Variants in LHX9 observed in about 807,000 individuals in gnomAD.
LHX9 encodes LIM/homeobox protein Lhx9.
Under a neutral mutation model 36.5 loss-of-function variants are expected in LHX9, and 9 were observed. The ratio of observed to expected loss-of-function variants is 0.25; its 90% CI spans 0.15 to 0.43. The LOEUF is 0.43. Among genes scored for constraint, LHX9 ranks in the 20% least tolerant of loss-of-function variants. LHX9 has a pLI of 1.00. For synonymous variants in LHX9, 211 were observed against 212.1 expected, an observed-to-expected ratio of 0.99 and a Z score of 0.04; for missense variants, 464 against 526.4, an observed-to-expected ratio of 0.88 and a Z score of 1.16.
intron 4 of LHX9, 36 bp from the exon 5 acceptor site, chr1:197,928,966 A>T (rs767840349): frequency 2.0e-6 from 3 of 1,474,168 alleles, no homozygotes; most frequent in Non-Finnish European, 2.7e-6. Context: ...ATAAAAATGA[A>T]CATCGGTAAA....
At chr1:197,918,182 C>T in intron 1 of LHX9, 185 bp downstream of exon 1, 1 of 683,536 alleles carries the variant, frequency 1.5e-6, no homozygotes, top group Non-Finnish European at 2.6e-6. Flanking sequence ...TTTTCTGAAT[C>T]GAAATGTCTG....
chr1:197,912,494 C>T, upstream of LHX9: 1 of 1,613,358 alleles, frequency 6.2e-7, no homozygotes, highest in Non-Finnish European at 8.5e-7. Flanking sequence ...GCCAGTGCAA[C>T]CACCATTACG....
intron 2 of LHX9, 121 bp downstream of exon 2, chr1:197,920,295 G>C: frequency 2.2e-6 from 2 of 907,492 alleles, no homozygotes; most frequent in East Asian, 5.2e-5. Flanking sequence ...TTATCATTTC[G>C]GAGACCAGGC....
rs1430021923 is a variant in LHX9, at chr1:197,924,900, C to A, written c.734-2691C>A. The stretch of plus-strand genomic sequence containing the variant: ...AGTTTTAAGAGTTATCATTTCATCT[C>A]ATAATTCGGGGAGTGGGGGAATCCC... On this transcript the variant is annotated intron_variant, in intron 3 of 4. Transcript: ENST00000367387. Among the ~76,000 whole-genome samples the A allele has an allele frequency of 2.0e-4, 9 of 45,764 alleles. 2 individuals are homozygous for A. The highest frequency in any genetic ancestry group is 2.4e-4 in the Non-Finnish European group (6 of 24,950). The allele number at this position is 45,764 out of a possible 152,430, so 30.0% of individuals were successfully genotyped here.
At chr1:197,927,123 A>G (rs1388967046) in intron 3 of LHX9, among the ~76,000 whole-genome samples, 1 of 152,212 alleles carries the variant, frequency 6.6e-6, no homozygotes, top group Non-Finnish European at 1.5e-5. Context: ...TTGTTTCTCT[A>G]CGTCTCATGA....
At chr1:197,928,608 A>G (rs1660218983) in intron 4 of LHX9, among the ~76,000 whole-genome samples, 2 of 152,204 alleles carry the variant, frequency 1.3e-5, no homozygotes, top group South Asian at 4.1e-4. Flanking sequence ...TTACTTTGCC[A>G]TACTTTCAAT....
chr1:197,921,609 G>A lies in LHX9; in HGVS notation c.683G>A (p.Arg228Gln). The A allele has an allele frequency of 6.2e-7, 1 of 1,605,176 alleles. No individual in the cohort carries two copies. Among genetic ancestry groups the A allele is most frequent in the Non-Finnish European group, 8.5e-7 (1 of 1,177,956 alleles). The change falls in exon 3 of 5, where the codon CGG becomes CAG. Residue 228 changes from arginine (R) to glutamine (Q), a missense_variant. Physicochemically the swap from Arg to Gln is conservative, Grantham distance 43. Coordinates refer to ENST00000367387, the MANE Select transcript of LHX9 (RefSeq NM_020204.3). The surrounding 1 kb of genome is among the most constrained non-coding windows in gnomAD (Gnocchi z 4.6). ...GTGTVQKGRPRKRKSPALGVD... is the reference protein window; with the variant it reads ...GTGTVQKGRPQKRKSPALGVD... ...GGCACCGTGCAGAAAGGGCGGCCCC[G>A]GAAGCGGAAGAGCCCAGCGCTGGGA...
At chr1:197,928,721 G>A (rs557614509) in intron 4 of LHX9, among the ~76,000 whole-genome samples, 8 of 152,106 alleles carry the variant, frequency 5.3e-5, no homozygotes, top group African/African-American at 1.9e-4. Context: ...ATCCACTTAA[G>A]CATCAGTTGT....
Position 197,929,186 on chromosome 1 carries a change from C to A in LHX9, c.1121C>A (p.Thr374Lys). 2 of 1,605,132 alleles carry A rather than the reference C, an allele frequency of 1.2e-6. No homozygotes were observed. The highest frequency in any genetic ancestry group is 1.7e-6 in the Non-Finnish European group (2 of 1,176,168). ...ACCAATCCCACTATCACTGTAGTGA[C>A]ATCCGTGACCTCTAACATGGACAGC... ...DLTNPTITVV[T>K]SVTSNMDSHE... The change falls in exon 5 of 5, where the codon ACA (threonine) becomes AAA (lysine). Residue 374 changes from threonine (T) to lysine (K), a missense_variant. Coordinates refer to ENST00000367387, the MANE Select transcript of LHX9 (RefSeq NM_020204.3).
upstream of LHX9, among the ~76,000 whole-genome samples, chr1:197,913,337 T>G (rs991010713): frequency 2.0e-5 from 3 of 152,040 alleles, no homozygotes; most frequent in Non-Finnish European, 4.4e-5. Context: ...CTGGCAAGGG[T>G]GCGCAGCTGG....
chr1:197,923,509 G>GAA (rs1444574292), intron 3 of LHX9, among the ~76,000 whole-genome samples: 1 of 151,604 alleles, frequency 6.6e-6, no homozygotes, highest in Non-Finnish European at 1.5e-5. Context: ...GAGAGAGAGA[G>GAA]AGAGAGAGAG....
At chr1:197,926,979 T>A (rs1322944875) in intron 3 of LHX9, among the ~76,000 whole-genome samples, 1 of 152,238 alleles carries the variant, frequency 6.6e-6, no homozygotes, top group East Asian at 1.9e-4. Flanking sequence ...TCCTCCTTTT[T>A]CAGCCTTTTC....
At chr1:197,915,880 C>G (rs1307584907), upstream of LHX9, 2 of 152,204 alleles carry the variant, frequency 1.3e-5, no homozygotes, top group Non-Finnish European at 2.9e-5. Context: ...CCCTCTCTCC[C>G]TCTCTCCCTG....
upstream of LHX9, chr1:197,916,374 C>G: frequency 2.7e-6 from 1 of 375,278 alleles, no homozygotes; most frequent in South Asian, 3.7e-5. Context: ...TGTGCGGGTG[C>G]GCCCAGTTTT....
chr1:197,918,118 G>A (rs1659836034), intron 1 of LHX9, 121 bp downstream of exon 1: 2 of 1,122,338 alleles, frequency 1.8e-6, no homozygotes, highest in Admixed American at 5.1e-5. Flanking sequence ...GCTTGAGGGT[G>A]GCGGGTGAGT....
intron 1 of LHX9, among the ~76,000 whole-genome samples, chr1:197,919,540 A>G (rs16842118): frequency 0.04 from 6,105 of 152,256 alleles, 160 homozygotes; most frequent in East Asian, 0.094. Flanking sequence ...GAACTGTAAT[A>G]TTTTTTGTTT....
At position 197,921,201 on chromosome 1, in the gene LHX9, A is replaced by T; in HGVS notation, c.378-103A>T. ...TCTCCTGTCCCCCTGGAACCCTCCC[A>T]GGTCCCAGTCTCAGGCCACTGCAGA... On this transcript the variant is annotated intron_variant, in intron 2 of 4. Coordinates refer to ENST00000367387, the MANE Select transcript of LHX9 (RefSeq NM_020204.3). This position sits in a 1 kb window ranked among gnomAD's most constrained non-coding sequence, Gnocchi z 4.6. 1 of 842,650 alleles carries T rather than the reference A, an allele frequency of 1.2e-6. No individual in the cohort carries two copies. The highest frequency in any genetic ancestry group is 1.7e-5 in the South Asian group (1 of 58,412). 52.2% of individuals were successfully genotyped at this position (842,650 alleles called of 1,614,324 possible).
chr1:197,912,596 C>A (rs1285714929), upstream of LHX9: 3 of 1,608,042 alleles, frequency 1.9e-6, no homozygotes, highest in Admixed American at 1.7e-5. Flanking sequence ...ATGTTCTCTG[C>A]CCCTTGGGCC....
chr1:197,922,044 A>C (rs1306398643), intron 3 of LHX9, among the ~76,000 whole-genome samples: 4 of 132,214 alleles, frequency 3.0e-5, no homozygotes, highest in African/African-American at 7.4e-5. Flanking sequence ...AGGTTTCCTA[A>C]ATACTGAAGA....
Sources: gnomAD v4.1 joint callset for allele counts (sites outside exome capture counted in the v4.1 genomes callset) on GRCh38, gnomAD v4.1.1 for gene constraint, Gnocchi (gnomAD v3.1) non-coding constraint, MANE v1.5 for transcripts, NCBI Gene and HGNC (gene_info 2026-07-23, HGNC 2026-07-21) for gene names.